Variants in CDC42BPA observed in about 807,000 individuals in gnomAD.
The protein encoded by CDC42BPA is CDC42 binding protein kinase alpha, also known as serine/threonine-protein kinase MRCK alpha.
A neutral mutation model predicts 223.5 loss-of-function variants in CDC42BPA; 80 were observed. That is an observed-to-expected ratio of 0.36 (90% CI 0.30 to 0.43). The LOEUF is 0.43. Among genes scored for constraint, CDC42BPA ranks in the 20% least tolerant of loss-of-function variants. The pLI is 1.00. For missense variants in CDC42BPA, 1,743 were observed against 2,099.9 expected (o/e 0.83, Z 3.32); for synonymous variants, 694 against 718.6 (o/e 0.97, Z 0.55).
Position 227,289,546 on chromosome 1 carries a change from T to C in CDC42BPA, c.178+27459A>G, listed in dbSNP as rs112690735. 1.1e-3 allele frequency among the ~76,000 whole-genome samples: 165 copies of C among 152,318 alleles called. 2 individuals are homozygous for C. Among genetic ancestry groups the C allele is most frequent in the African/African-American group, 3.7e-3 (153 of 41,576 alleles). Reference sequence around the variant, plus strand: ...CTTACCATTATCTGAAATAATCTTATTTACATGTCTATTTCCTGACCTCCC... The same window carrying C: ...CTTACCATTATCTGAAATAATCTTACTTACATGTCTATTTCCTGACCTCCC... On this transcript the variant is annotated intron_variant, in intron 1 of 36. Coordinates refer to ENST00000366766, the MANE Select transcript of CDC42BPA (RefSeq NM_001394014.1).
chr1:227,198,451 AAG>A (rs1367256987), intron 4 of CDC42BPA, among the ~76,000 whole-genome samples: 6 of 138,986 alleles, frequency 4.3e-5, no homozygotes, highest in South Asian at 2.4e-4. Context: ...AAAAAAAAAA[AAG>A]AAAAGAAAGA....
chr1:227,259,768 G>A (rs1683735178), intron 1 of CDC42BPA, among the ~76,000 whole-genome samples: 1 of 150,886 alleles, frequency 6.6e-6, no homozygotes, highest in East Asian at 1.9e-4. Flanking sequence ...AGAAGTAATA[G>A]CTTAGAAGTA....
rs369879351 is a variant in CDC42BPA at position 227,031,307 on chromosome 1, C to A, written c.3766G>T (p.Ala1256Ser). The A allele has an allele frequency of 2.5e-6, 4 of 1,609,924 alleles. No homozygotes were observed. Among genetic ancestry groups the A allele is most frequent in the Non-Finnish European group, 1.7e-6 (2 of 1,176,322 alleles). ...LPLIKTTQAAAIIDHERIALG... is the reference protein window; with the variant it reads ...LPLIKTTQAASIIDHERIALG... The stretch of plus-strand genomic sequence containing the variant: ...TGTTATAAATTCATACCTATGATTG[C>A]GGCTGCCTGGGTTGTTTTAATGAGG... Residue 1256 changes from alanine (A) to serine (S), a missense_variant, in exon 28 of 37, where the codon GCA becomes TCA. Ala to Ser is a moderately conservative substitution (Grantham distance 99). Coordinates refer to ENST00000366766, the MANE Select transcript of CDC42BPA (RefSeq NM_001394014.1).
At position 227,091,925 on chromosome 1, in the gene CDC42BPA, TAAC is replaced by T. The variant is rs763058874; in HGVS notation, c.2313_2315del (p.Leu772del). 5.0e-6 allele frequency: 8 copies of T among 1,608,710 alleles called. No homozygotes were observed. In the Admixed American group the frequency reaches 1.4e-4, roughly 27 times the overall value. ...TCGTCAGCTTTTTATTTTCTTCAGTTAACAACACTTTTTCTCGTTCATATTGTT... is the reference window on the plus strand; with the variant it reads ...TCGTCAGCTTTTTATTTTCTTCAGTTAACACTTTTTCTCGTTCATATTGTT... On this transcript the variant is annotated inframe_deletion, in exon 16 of 37. Coordinates refer to ENST00000366766, the MANE Select transcript of CDC42BPA (RefSeq NM_001394014.1).
intron 15 of CDC42BPA, among the ~76,000 whole-genome samples, chr1:227,095,667 C>T (rs1164658269): frequency 6.7e-6 from 1 of 149,652 alleles, no homozygotes; most frequent in Non-Finnish European, 1.5e-5. Flanking sequence ...TCTCAGCTCA[C>T]TGCAATCTCC....
At chr1:227,265,941 A>T (rs1684923912) in intron 1 of CDC42BPA, among the ~76,000 whole-genome samples, 1 of 152,186 alleles carries the variant, frequency 6.6e-6, no homozygotes, top group African/African-American at 2.4e-5. Context: ...GAGAAAGAAA[A>T]AAACTCAAGA....
intron 14 of CDC42BPA, among the ~76,000 whole-genome samples, chr1:227,105,743 C>T (rs1467340229): frequency 1.3e-5 from 2 of 152,100 alleles, no homozygotes; most frequent in Non-Finnish European, 2.9e-5. Flanking sequence ...AGTACGTTTT[C>T]GAGATTTAGC....
intron 34 of CDC42BPA, among the ~76,000 whole-genome samples, chr1:227,015,436 A>C (rs1666019924): frequency 6.6e-6 from 1 of 152,060 alleles, no homozygotes; most frequent in Non-Finnish European, 1.5e-5. Flanking sequence ...AAAAGAAAAA[A>C]AAGAAATGGG....
At chr1:227,016,230 TC>T in intron 33 of CDC42BPA, 33 bp from the exon 34 acceptor site, 1 of 1,139,268 alleles carries the variant, frequency 8.8e-7, no homozygotes, top group Non-Finnish European at 1.3e-6. Context: ...AGATACTTTT[TC>T]CACAGTTAAT....
rs1309498246 is a variant in CDC42BPA at position 227,230,812 on chromosome 1, C to CTTTT, written c.271-17594_271-17593insAAAA. 2.1e-4 allele frequency among the ~76,000 whole-genome samples: 23 copies of CTTTT among 111,750 alleles called. 4 individuals are homozygous for CTTTT. Among genetic ancestry groups the CTTTT allele is most frequent in the East Asian group, 2.6e-4 (1 of 3,776 alleles). The allele number at this position is 111,750 out of a possible 152,430, so 73.3% of individuals were successfully genotyped here. On this transcript the variant is annotated intron_variant, in intron 2 of 36. Transcript: ENST00000366766. ...GCTAACTGATTTCTATTTCTTTTTT[C>CTTTT]TTTCTTTCTTTTTTTTTTTTTTTTT...
intron 11 of CDC42BPA, among the ~76,000 whole-genome samples, chr1:227,123,210 G>A (rs764600853): frequency 1.3e-5 from 2 of 152,188 alleles, no homozygotes; most frequent in African/African-American, 2.4e-5. Flanking sequence ...GCTGAGGCGG[G>A]AGAATCACTT....
intron 5 of CDC42BPA, among the ~76,000 whole-genome samples, chr1:227,175,045 T>G (rs1005207516): frequency 2.0e-4 from 30 of 152,348 alleles, no homozygotes; most frequent in African/African-American, 7.2e-4. Flanking sequence ...ATTTATTGCA[T>G]GCATTCTTAT....
At chr1:227,060,196 T>C (rs1013773336) in intron 21 of CDC42BPA, among the ~76,000 whole-genome samples, 9 of 152,064 alleles carry the variant, frequency 5.9e-5, no homozygotes, top group Non-Finnish European at 1.0e-4. Context: ...CACGCCCGGC[T>C]AATTTTTTGT....
intron 23 of CDC42BPA, among the ~76,000 whole-genome samples, chr1:227,044,388 AT>A (rs762063956): frequency 4.6e-5 from 7 of 151,774 alleles, no homozygotes; most frequent in Non-Finnish European, 1.0e-4. Context: ...GAGATCTTAT[AT>A]TTATTCCCAG....
At chr1:227,158,392 T>G (rs1663215692) in intron 6 of CDC42BPA, among the ~76,000 whole-genome samples, 1 of 152,202 alleles carries the variant, frequency 6.6e-6, no homozygotes, top group South Asian at 2.1e-4. Flanking sequence ...ATTTTTTTTT[T>G]TGAATCCTTG....
At chr1:227,064,518 G>A (rs1389979853) in intron 21 of CDC42BPA, among the ~76,000 whole-genome samples, 3 of 152,106 alleles carry the variant, frequency 2.0e-5, no homozygotes, top group Non-Finnish European at 4.4e-5. Context: ...TTACTATTGG[G>A]ATGAAGGGAA....
At chr1:227,162,983 CATGTTTCCAAACATGTGT>C (rs1558648832) in intron 5 of CDC42BPA, among the ~76,000 whole-genome samples, 2 of 46,130 alleles carry the variant, frequency 4.3e-5, no homozygotes, top group African/African-American at 1.2e-4. Context: ...TGTTTCCAAA[CATGTTTCCAAACATGTGT>C]ATGTTTCCAA....
intron 6 of CDC42BPA, among the ~76,000 whole-genome samples, chr1:227,153,900 C>CT (rs1432751874): frequency 6.6e-6 from 1 of 151,834 alleles, no homozygotes; most frequent in Non-Finnish European, 1.5e-5. Flanking sequence ...TATGGGTCCT[C>CT]TGTTTATTTT....
At chr1:227,022,163 G>A (rs1323500733) in intron 32 of CDC42BPA, among the ~76,000 whole-genome samples, 1 of 152,174 alleles carries the variant, frequency 6.6e-6, no homozygotes, top group Admixed American at 6.5e-5. Flanking sequence ...CAGGCGTGAT[G>A]GCTCAGGCCT....
Sources: gnomAD v4.1 joint callset for allele counts (sites outside exome capture counted in the v4.1 genomes callset) on GRCh38, gnomAD v4.1.1 for gene constraint, MANE v1.5 for transcripts, NCBI Gene and HGNC (gene_info 2026-07-23, HGNC 2026-07-21) for gene names.